The following RGPD8 variants were observed in gnomAD, a reference collection of about 807,000 sequenced individuals.
RGPD8 encodes RANBP2-like and GRIP domain-containing protein 8.
A neutral mutation model predicts 89.1 loss-of-function variants in RGPD8; 15 were observed. The observed-to-expected ratio is 0.17, with a 90% CI of 0.11 to 0.26. The LOEUF is 0.26. Among genes scored for constraint, RGPD8 ranks in the 10% least tolerant of loss-of-function variants. RGPD8 has a pLI of 1.00. For missense variants in RGPD8, 178 were observed against 1,179.6 expected (o/e 0.15, Z 12.44); for synonymous variants, 62 against 420.9 (o/e 0.15, Z 10.44).
chr2:112,432,947 A>C (rs1003326890), intron 1 of RGPD8, among the ~76,000 whole-genome samples: 7 of 141,090 alleles, frequency 5.0e-5, no homozygotes, highest in African/African-American at 1.8e-4. Context: ...TGACCCATCG[A>C]GGCCGCCGCC....
chr2:112,429,530 T>C (rs1364892428), intron 1 of RGPD8, among the ~76,000 whole-genome samples: 1 of 150,716 alleles, frequency 6.6e-6, no homozygotes, highest in East Asian at 1.9e-4. Flanking sequence ...AGTATAGATG[T>C]AAAGGGCAGA....
In RGPD8 at chr2:112,432,530, C is replaced by T. The variant is rs189146725; in HGVS notation, c.72+852G>A. ...CAAATGTCCACGCTGAGATGCCTAC[C>T]TTGTCACTCGACGCAGCCGCCAAAG... On this transcript the variant is annotated intron_variant, in intron 1 of 22. Coordinates refer to ENST00000302558, the MANE Select transcript of RGPD8 (RefSeq NM_001164463.1). The T allele has an allele frequency of 1.5e-3, 1,525 of 985,380 alleles. 18 individuals carry two copies. In the African/African-American group the frequency reaches 0.025, roughly 16 times the overall value. The allele number at this position is 985,380 out of a possible 1,614,324, so 61.0% of individuals were successfully genotyped here. A position where few individuals can be genotyped will look rare whatever the true frequency, so the allele number is the denominator to read the frequency against.
intron 20 of RGPD8, among the ~76,000 whole-genome samples, chr2:112,382,702 AC>A (rs1326969118): frequency 7.7e-5 from 11 of 143,358 alleles, no homozygotes; most frequent in African/African-American, 2.5e-4. Flanking sequence ...ATTCGGCCTT[AC>A]AGAGGTACAC....
intron 1 of RGPD8, among the ~76,000 whole-genome samples, chr2:112,432,114 A>G (rs1358263144): frequency 6.6e-6 from 1 of 152,206 alleles, no homozygotes; most frequent in Non-Finnish European, 1.5e-5. Context: ...TATAAACGAC[A>G]GTGCTGTGAT....
intron 1 of RGPD8, among the ~76,000 whole-genome samples, chr2:112,429,380 C>T (rs1305897597): frequency 5.8e-5 from 7 of 121,642 alleles, no homozygotes; most frequent in Non-Finnish European, 1.1e-4. Context: ...CGCGACACTG[C>T]ACTCCAGCCT....
At chr2:112,402,541 G>A (rs1414272752) in intron 9 of RGPD8, among the ~76,000 whole-genome samples, 3 of 7,792 alleles carry the variant, frequency 3.9e-4, no homozygotes, top group Non-Finnish European at 7.6e-4. Flanking sequence ...AAGGTTATGC[G>A]CTTCTGGAAG....
chr2:112,411,208 T>C (rs2104807671), intron 7 of RGPD8, among the ~76,000 whole-genome samples: 1 of 152,222 alleles, frequency 6.6e-6, no homozygotes, highest in Admixed American at 6.5e-5. Context: ...CCTGGTTTAA[T>C]GTTTTTTTGG....
rs1466499605 is a variant in RGPD8 at position 112,433,280 on chromosome 2, G to A, written c.72+102C>T. The stretch of plus-strand genomic sequence containing the variant: ...AGCGCGCCAGGGAGCAGCGCCCGTC[G>A]GGAGCCATGACCCCTGACCCATCGA... On this transcript the variant is annotated intron_variant, in intron 1 of 22. Coordinates refer to ENST00000302558, the MANE Select transcript of RGPD8 (RefSeq NM_001164463.1). 14 of 1,291,814 alleles carry A rather than the reference G, an allele frequency of 1.1e-5. No homozygotes were observed. The African/African-American group carries it at 1.6e-4, about 15-fold the overall frequency. 80.0% of individuals were successfully genotyped at this position (1,291,814 alleles called of 1,614,324 possible).
chr2:112,430,509 T>C (rs1182987066), intron 1 of RGPD8, among the ~76,000 whole-genome samples: 23 of 152,158 alleles, frequency 1.5e-4, no homozygotes, highest in Non-Finnish European at 2.8e-4. Flanking sequence ...CGTCAAAATG[T>C]TGCTACCACT....
chr2:112,410,834 C>T (rs1486480553), intron 7 of RGPD8, among the ~76,000 whole-genome samples: 1 of 152,270 alleles, frequency 6.6e-6, no homozygotes, highest in Non-Finnish European at 1.5e-5. Context: ...GCCTGTAATC[C>T]CAGCACTTTG....
intron 1 of RGPD8, chr2:112,432,540 G>A: frequency 2.0e-6 from 2 of 985,338 alleles, no homozygotes; most frequent in Non-Finnish European, 2.4e-6. Flanking sequence ...CTTGTCACTC[G>A]ACGCAGCCGC....
chr2:112,391,646 CTGTT>C (rs755432027), intron 18 of RGPD8, among the ~76,000 whole-genome samples: 24 of 132,356 alleles, frequency 1.8e-4, no homozygotes, highest in Non-Finnish European at 3.3e-4. Flanking sequence ...TCTGCTCCCT[CTGTT>C]TGGTCTGTTT....
chr2:112,385,551 A>AAC (rs1678444573), intron 20 of RGPD8, among the ~76,000 whole-genome samples: 1 of 122,220 alleles, frequency 8.2e-6, no homozygotes, highest in Non-Finnish European at 1.7e-5. Context: ...AGTAAGTGTA[A>AAC]ACACACACAC....
At chr2:112,425,571 C>T (rs1463702005) in intron 1 of RGPD8, among the ~76,000 whole-genome samples, 1 of 151,554 alleles carries the variant, frequency 6.6e-6, no homozygotes, top group Non-Finnish European at 1.5e-5. Flanking sequence ...ACCAGCCTGG[C>T]CAACATACAG....
intron 1 of RGPD8, among the ~76,000 whole-genome samples, chr2:112,432,068 T>C (rs1318928294): frequency 1.3e-5 from 2 of 152,218 alleles, no homozygotes; most frequent in Non-Finnish European, 2.9e-5. Flanking sequence ...ACTCCATCTA[T>C]GGATGAAAAG....
Position 112,380,650 on chromosome 2 carries a change from C to CAAAAA in RGPD8, c.5061+169_5061+173dup, listed in dbSNP as rs369818204. On this transcript the variant is annotated intron_variant, in intron 21 of 22. Coordinates refer to ENST00000302558, the MANE Select transcript of RGPD8 (RefSeq NM_001164463.1). ...CCTGGGTGACAGAGCAAGACTGTCT[C>CAAAAA]AAAAAAAAAAAAAAAAAAAAAGGCA... Among the ~76,000 whole-genome samples, 581 of 109,004 alleles carry CAAAAA rather than the reference C, an allele frequency of 5.3e-3. 9 individuals are homozygous for CAAAAA. The highest frequency in any genetic ancestry group is 0.021 in the East Asian group (79 of 3,806). 71.5% of individuals were successfully genotyped at this position (109,004 alleles called of 152,430 possible).
chr2:112,426,162 C>T (rs999595403), intron 1 of RGPD8, among the ~76,000 whole-genome samples: 1 of 152,152 alleles, frequency 6.6e-6, no homozygotes, highest in Non-Finnish European at 1.5e-5. Context: ...AAAGGAAGCA[C>T]TATATGGCTT....
At chr2:112,402,662 C>T (rs1574004849) in intron 9 of RGPD8, among the ~76,000 whole-genome samples, 1 of 110,292 alleles carries the variant, frequency 9.1e-6, no homozygotes, top group African/African-American at 3.8e-5. Context: ...AAATAACTTG[C>T]AATGAAGACA....
At chr2:112,415,565 G>A (rs1319747386) in intron 6 of RGPD8, among the ~76,000 whole-genome samples, 1 of 151,060 alleles carries the variant, frequency 6.6e-6, no homozygotes, top group Non-Finnish European at 1.5e-5. Flanking sequence ...CTGTCCTCAG[G>A]GCCCTCCTGG....
Sources: gnomAD v4.1 joint callset for allele counts (sites outside exome capture counted in the v4.1 genomes callset) on GRCh38, gnomAD v4.1.1 for gene constraint, MANE v1.5 for transcripts, NCBI Gene and HGNC (gene_info 2026-07-23, HGNC 2026-07-21) for gene names.